The following KATNIP variants were observed in gnomAD, a reference collection of about 807,000 sequenced individuals.
The protein encoded by KATNIP is katanin interacting protein.
In KATNIP, 126 loss-of-function variants were observed where a neutral mutation model predicts 174.0. The ratio of observed to expected loss-of-function variants is 0.72; its 90% CI spans 0.63 to 0.84. The LOEUF (loss-of-function observed/expected upper bound fraction) is 0.84, where lower values mean the gene tolerates loss of function less well. Ranked by LOEUF, KATNIP falls within the 40% of genes least tolerant of loss-of-function variation. The probability of loss-of-function intolerance (pLI) is 0.00; values close to 1 mark genes in which losing one functional copy is unlikely to be tolerated. For synonymous variants in KATNIP, 810 were observed against 835.7 expected, an observed-to-expected ratio of 0.97 and a Z score of 0.53; for missense variants, 1,958 against 2,109.7, an observed-to-expected ratio of 0.93 and a Z score of 1.41.
At chr16:27,607,594 C>CT (rs33954778) in intron 2 of KATNIP, among the ~76,000 whole-genome samples, 1,531 of 78,868 alleles carry the variant, frequency 0.019, 58 homozygotes, top group African/African-American at 0.071. Flanking sequence ...CAGTCAGTGT[C>CT]TTTTTTTTTT....
chr16:27,628,606 C>T (rs2076397440), intron 3 of KATNIP, 55 bp from the exon 4 acceptor site: 2 of 1,579,442 alleles, frequency 1.3e-6, no homozygotes, highest in Non-Finnish European at 1.7e-6. Context: ...CTTGGGGGTA[C>T]AGCAGCCCAG....
rs1344692375 is a variant in KATNIP at position 27,773,199 on chromosome 16, G to A, written c.4299G>A (p.Leu1433=). ...ACGAGCGAGGAGAAAAAATCCCCTTGTCGGAAAACAGTATCCTTTGTAGGA... is the reference window on the plus strand; with the variant it reads ...ACGAGCGAGGAGAAAAAATCCCCTTATCGGAAAACAGTATCCTTTGTAGGA... ...LYDERGEKIP[L]SENNIAAFPD... The change falls in exon 23 of 28, where the codon TTG becomes TTA. Residue 1433 remains leucine (L), a synonymous_variant. Coordinates refer to ENST00000261588, the MANE Select transcript of KATNIP (RefSeq NM_015202.5). The A allele has an allele frequency of 5.0e-6, 8 of 1,607,226 alleles. No homozygotes were observed. Among genetic ancestry groups the A allele is most frequent in the Non-Finnish European group, 6.0e-6 (7 of 1,175,742 alleles).
chr16:27,628,509 A>T, intron 3 of KATNIP, 152 bp from the exon 4 acceptor site: 1 of 777,498 alleles, frequency 1.3e-6, no homozygotes. Flanking sequence ...GGCCTGTCAG[A>T]GGCTGTTTGT....
At chr16:27,758,401 C>T (rs2143965686) in intron 18 of KATNIP, among the ~76,000 whole-genome samples, 1 of 152,282 alleles carries the variant, frequency 6.6e-6, no homozygotes, top group Non-Finnish European at 1.5e-5. Context: ...TTTTCATTGC[C>T]ACCAGCCTTG....
rs776354493 is a variant in KATNIP, at chr16:27,766,468, T to C, written c.3969T>C (p.Tyr1323=). The C allele has an allele frequency of 1.8e-5, 29 of 1,611,728 alleles. 1 individual carries two copies. Among genetic ancestry groups the C allele is most frequent in the Non-Finnish European group, 2.4e-5 (28 of 1,179,808 alleles). ...ACAATAAATCTCCCGAGGACACCTA[T>C]CGCGGGGTAAGCTGGGGAGCAGTGG... ...WNYNKSPEDT[Y]RGAKIVHVSL... The change falls in exon 20 of 28, where the codon TAT becomes TAC. Residue 1323 remains tyrosine (Y), a synonymous_variant. Coordinates refer to ENST00000261588, the MANE Select transcript of KATNIP (RefSeq NM_015202.5).
rs1245013783 is a variant in KATNIP at position 27,573,944 on chromosome 16, A to G, written c.51A>G (p.Arg17=). 1.2e-6 allele frequency: 2 copies of G among 1,614,000 alleles called. No individual in the cohort carries two copies. Among genetic ancestry groups the G allele is most frequent in the African/African-American group, 1.3e-5 (1 of 74,916 alleles). ...CCGAGAGAAGCTGGTCCTGCTCACG[A>G]GAGAAAAAGGAGGTAAATGTGTCCC... ...RKAERSWSCS[R]EKKEGYAKDM... The change falls in exon 2 of 28, where the codon CGA becomes CGG. Residue 17 remains arginine, a synonymous_variant. Coordinates refer to ENST00000261588, the MANE Select transcript of KATNIP (RefSeq NM_015202.5).
At chr16:27,620,753 G>A (rs1173584804) in intron 3 of KATNIP, among the ~76,000 whole-genome samples, 5 of 152,200 alleles carry the variant, frequency 3.3e-5, no homozygotes, top group Non-Finnish European at 5.9e-5. Context: ...GGATGTAATC[G>A]TTGGAGTGAG....
rs749272208 is a variant in KATNIP, at chr16:27,701,580, C to T, written c.1180-9C>T. On this transcript the variant is annotated splice_polypyrimidine_tract_variant and intron_variant, in intron 10 of 27. Coordinates refer to ENST00000261588, the MANE Select transcript of KATNIP (RefSeq NM_015202.5). ...GAGACATCTGTTTAATAAGCCTTTC[C>T]ATCCTCAGCTGCTTCCCATCACCAC... The T allele has an allele frequency of 1.9e-5, 30 of 1,572,752 alleles. No individual in the cohort carries two copies. Among genetic ancestry groups the T allele is most frequent in the Non-Finnish European group, 2.5e-5 (29 of 1,157,896 alleles).
intron 8 of KATNIP, chr16:27,685,359 C>T (rs932494006): frequency 3.3e-5 from 5 of 151,990 alleles, no homozygotes; most frequent in Non-Finnish European, 7.4e-5. Context: ...CCACTGTACT[C>T]CAGCCTGGGC....
chr16:27,726,627 G>A (rs1258197368), intron 14 of KATNIP, among the ~76,000 whole-genome samples: 2 of 152,346 alleles, frequency 1.3e-5, no homozygotes, highest in Admixed American at 1.3e-4. Flanking sequence ...AACGAATAAT[G>A]TGATTTCAGG....
chr16:27,603,909 G>A (rs7194887), intron 2 of KATNIP, among the ~76,000 whole-genome samples: 5 of 150,882 alleles, frequency 3.3e-5, no homozygotes, highest in African/African-American at 9.8e-5. Context: ...GCTAATTTTT[G>A]TATTTTTAGT....
chr16:27,681,167 A>C, intron 7 of KATNIP: 1 of 494,266 alleles, frequency 2.0e-6, no homozygotes, highest in Non-Finnish European at 3.7e-6. Flanking sequence ...AAACCTGTGC[A>C]TGTCCTAGAA....
At chr16:27,668,028 A>G (rs1020266447) in intron 6 of KATNIP, among the ~76,000 whole-genome samples, 2 of 152,162 alleles carry the variant, frequency 1.3e-5, no homozygotes, top group African/African-American at 4.8e-5. Flanking sequence ...TAACACATAC[A>G]TGAACATGTT....
intron 5 of KATNIP, among the ~76,000 whole-genome samples, chr16:27,644,073 G>A (rs1407597302): frequency 7.0e-6 from 1 of 143,180 alleles, no homozygotes; most frequent in African/African-American, 2.6e-5. Flanking sequence ...CCAGGCTGGA[G>A]TGCAGAGGTG....
At chr16:27,644,019 C>CTTTT (rs34902124) in intron 5 of KATNIP, among the ~76,000 whole-genome samples, 1 of 102,502 alleles carries the variant, frequency 9.8e-6, no homozygotes, top group Non-Finnish European at 1.9e-5. Flanking sequence ...GAGACATAAT[C>CTTTT]TTTTTTTTTT....
intron 2 of KATNIP, among the ~76,000 whole-genome samples, chr16:27,598,380 T>C (rs1038329612): frequency 1.3e-5 from 2 of 152,192 alleles, no homozygotes; most frequent in Non-Finnish European, 1.5e-5. Flanking sequence ...TCTGCACATC[T>C]GGCTTCTTCC....
At chr16:27,595,489 G>T (rs1165575770) in intron 2 of KATNIP, among the ~76,000 whole-genome samples, 1 of 152,230 alleles carries the variant, frequency 6.6e-6, no homozygotes, top group Non-Finnish European at 1.5e-5. Context: ...GCAAAGAAAA[G>T]AATAGGTATT....
At position 27,735,142 on chromosome 16, in the gene KATNIP, G is replaced by A. The variant is rs574719716; in HGVS notation, c.1744-4899G>A. On this transcript the variant is annotated intron_variant, in intron 14 of 27. Coordinates refer to ENST00000261588, the MANE Select transcript of KATNIP (RefSeq NM_015202.5). Reference sequence around the variant, plus strand: ...AGCTCAGAGCTGCCAGGCAGGGTACGACCCTCCCACCTCCCTGTGACCCCT... The same window carrying A: ...AGCTCAGAGCTGCCAGGCAGGGTACAACCCTCCCACCTCCCTGTGACCCCT... Among the ~76,000 whole-genome samples, 16 of 152,282 alleles carry A rather than the reference G, an allele frequency of 1.1e-4. No homozygotes were observed. In the East Asian group the frequency reaches 2.1e-3, roughly 20 times the overall value.
intron 1 of KATNIP, among the ~76,000 whole-genome samples, chr16:27,557,625 G>C (rs1398791367): frequency 6.6e-6 from 1 of 151,052 alleles, no homozygotes; most frequent in Non-Finnish European, 1.5e-5. Flanking sequence ...TGGGGGTCTT[G>C]CTATGTTGTC....
Sources: gnomAD v4.1 joint callset for allele counts (sites outside exome capture counted in the v4.1 genomes callset) on GRCh38, gnomAD v4.1.1 for gene constraint, MANE v1.5 for transcripts, NCBI Gene and HGNC (gene_info 2026-07-23, HGNC 2026-07-21) for gene names.